KLHDC4: variants seen among roughly 807,000 people sequenced by gnomAD.
KLHDC4 encodes the protein kelch domain-containing protein 4.
A neutral mutation model predicts 62.4 loss-of-function variants in KLHDC4; 90 were observed. The observed-to-expected ratio is 1.44, with a 90% CI of 1.22 to 1.72. The LOEUF (loss-of-function observed/expected upper bound fraction) is 1.72. Ranked by LOEUF, KLHDC4 falls within the 40% of genes most tolerant of loss-of-function variation. The pLI is 0.00. For missense variants in KLHDC4, 1,025 were observed against 699.7 expected, an observed-to-expected ratio of 1.47 and a Z score of -5.25; for synonymous variants, 386 against 284.4, an observed-to-expected ratio of 1.36 and a Z score of -3.59.
At chr16:87,745,114 G>T (rs938658193) in intron 5 of KLHDC4, among the ~76,000 whole-genome samples, 1 of 152,176 alleles carries the variant, frequency 6.6e-6, no homozygotes, top group African/African-American at 2.4e-5. Flanking sequence ...CTTAAACTTG[G>T]GGGTCAGGGG....
intron 5 of KLHDC4, among the ~76,000 whole-genome samples, chr16:87,746,576 G>A (rs963007840): frequency 3.3e-5 from 5 of 152,122 alleles, no homozygotes; most frequent in Admixed American, 2.6e-4. Flanking sequence ...GCAATGCTCC[G>A]CGAGGTATCT....
At chr16:87,705,432 G>C (rs926899067), downstream of KLHDC4, among the ~76,000 whole-genome samples, 1 of 152,248 alleles carries the variant, frequency 6.6e-6, no homozygotes, top group Non-Finnish European at 1.5e-5. Flanking sequence ...TCCATGCTGG[G>C]AGCTTGTCTA....
At position 87,765,808 on chromosome 16, in the gene KLHDC4, C is replaced by T. The variant is rs138881765; in HGVS notation, c.83G>A (p.Arg28His). 4.2e-4 allele frequency: 660 copies of T among 1,570,098 alleles called. 3 individuals carry two copies. Among genetic ancestry groups the T allele is most frequent in the Middle Eastern group, 1.3e-3 (8 of 6,016 alleles). ...AAKMEKKVSK[R>H]SRKEEEDLEA... ...CCCGCTCACCTCCTCCTTCCGCGAG[C>T]GCTTAGACACCTTCTTCTCCATCTT... Residue 28 changes from arginine (R) to histidine (H), a missense_variant, in exon 1 of 12, where the codon CGC becomes CAC. By Grantham distance (29) the Arg-to-His change is conservative. Transcript: ENST00000270583.
chr16:87,715,103 T>A (rs551318060), intron 7 of KLHDC4, among the ~76,000 whole-genome samples: 52 of 152,256 alleles, frequency 3.4e-4, no homozygotes, highest in African/African-American at 1.2e-3. Context: ...CTGGACCAGG[T>A]GCACTGTTCC....
intron 3 of KLHDC4, chr16:87,756,186 C>G (rs1288282667): frequency 6.9e-6 from 3 of 437,584 alleles, no homozygotes; most frequent in Non-Finnish European, 1.3e-5. Context: ...GCCTAAGTCC[C>G]AGGAATAGAG....
At chr16:87,755,422 G>T in intron 3 of KLHDC4, 130 bp from the exon 4 acceptor site, 1 of 567,870 alleles carries the variant, frequency 1.8e-6, no homozygotes. Flanking sequence ...ACCAGCACAG[G>T]GAGGCCATGG....
Position 87,761,922 on chromosome 16 carries a change from A to T in KLHDC4, c.191+27T>A, listed in dbSNP as rs752161367. 5.0e-6 allele frequency: 8 copies of T among 1,607,384 alleles called. 1 individual carries two copies. The South Asian group carries it at 8.8e-5, about 18-fold the overall frequency. ...CAATGTATAGAAGAAAAGGAAACAT[A>T]CAATATGAAAAATGCTACTTGCTCA... On this transcript the variant is annotated intron_variant, in intron 2 of 11. Transcript: ENST00000270583.
In KLHDC4 at chr16:87,763,873, T is replaced by A. The variant is rs142126620; in HGVS notation, c.100-1833A>T. Among the ~76,000 whole-genome samples, 389 of 152,302 alleles carry A rather than the reference T, an allele frequency of 2.6e-3. 3 individuals are homozygous for A. The highest frequency in any genetic ancestry group is 4.2e-3 in the Non-Finnish European group (286 of 68,022). ...CTCTCCAAAGTGACAATAAGCTGAA[T>A]GCTGAAAAGACGACTCAGACGGAGT... On this transcript the variant is annotated intron_variant, in intron 1 of 11. Coordinates refer to ENST00000270583, the MANE Select transcript of KLHDC4 (RefSeq NM_017566.4).
At chr16:87,759,509 G>A (rs2045538253) in intron 2 of KLHDC4, among the ~76,000 whole-genome samples, 1 of 152,148 alleles carries the variant, frequency 6.6e-6, no homozygotes, top group African/African-American at 2.4e-5. Context: ...CACTTTGGGA[G>A]GCCGAGGTGG....
At chr16:87,718,428 T>A (rs918551415) in intron 7 of KLHDC4, among the ~76,000 whole-genome samples, 6 of 149,242 alleles carry the variant, frequency 4.0e-5, no homozygotes, top group Non-Finnish European at 7.4e-5. Context: ...GAGCGGAGGC[T>A]GGACTGTACT....
chr16:87,702,789 G>A (rs558841506), upstream of KLHDC4, among the ~76,000 whole-genome samples: 1 of 152,346 alleles, frequency 6.6e-6, no homozygotes, highest in South Asian at 2.1e-4. Flanking sequence ...AGTCGGCCCT[G>A]GCGCATGTGA....
intron 1 of KLHDC4, 42 bp downstream of exon 1, chr16:87,765,750 G>A: frequency 2.0e-6 from 3 of 1,534,224 alleles, no homozygotes; most frequent in Non-Finnish European, 2.6e-6. Context: ...GAGGCTGCAC[G>A]GCCGCGACGT....
Position 87,732,097 on chromosome 16 carries a change from C to CTT in KLHDC4, c.507-1455_507-1454dup, listed in dbSNP as rs61370494. On this transcript the variant is annotated intron_variant, in intron 5 of 11. Transcript: ENST00000270583. ...GCTAATTACATAAGTGTGCATATTTCTTTTTTTTTTTTTTTTTTGAGACAG... is the reference window on the plus strand; with the variant it reads ...GCTAATTACATAAGTGTGCATATTTCTTTTTTTTTTTTTTTTTTTTGAGACAG... Among the ~76,000 whole-genome samples, 1,164 of 132,202 alleles carry CTT rather than the reference C, an allele frequency of 8.8e-3. 22 individuals are homozygous for CTT. Among genetic ancestry groups the CTT allele is most frequent in the Middle Eastern group, 0.019 (5 of 258 alleles). 86.7% of individuals were successfully genotyped at this position (132,202 alleles called of 152,430 possible). A position where few individuals can be genotyped will look rare whatever the true frequency, so the allele number is the denominator to read the frequency against.
At chr16:87,709,998 C>T (rs574908017) in intron 9 of KLHDC4, 87 of 303,872 alleles carry the variant, frequency 2.9e-4, no homozygotes, top group African/African-American at 1.6e-3. Context: ...CCACAGGCTC[C>T]GACGCTCACC....
Position 87,758,377 on chromosome 16 carries a change from GAAGA to G in KLHDC4, c.192-1904_192-1901del, listed in dbSNP as rs1442332756. Among the ~76,000 whole-genome samples the G allele has an allele frequency of 3.9e-5, 6 of 152,310 alleles. 1 individual carries two copies. The South Asian group carries it at 1.0e-3, about 26-fold the overall frequency. On this transcript the variant is annotated intron_variant, in intron 2 of 11. Transcript: ENST00000270583. ...CAGACGGAACAGGATTTAGCCATAA[GAAGA>G]AATAAAGTTCTCACACATGCCACAG...
At chr16:87,727,041 C>G in intron 6 of KLHDC4, 117 bp from the exon 7 acceptor site, 1 of 1,040,908 alleles carries the variant, frequency 9.6e-7, no homozygotes, top group Non-Finnish European at 1.4e-6. Flanking sequence ...AAAACTCAAA[C>G]CATTTTTCTC....
At chr16:87,759,069 G>A (rs1165943217) in intron 2 of KLHDC4, among the ~76,000 whole-genome samples, 2 of 152,274 alleles carry the variant, frequency 1.3e-5, no homozygotes, top group African/African-American at 2.4e-5. Context: ...CAGCTACTTG[G>A]GAGGCTGAGG....
At chr16:87,720,974 C>G (rs2038185250) in intron 7 of KLHDC4, among the ~76,000 whole-genome samples, 1 of 152,234 alleles carries the variant, frequency 6.6e-6, no homozygotes, top group Non-Finnish European at 1.5e-5. Flanking sequence ...CAAGGCCCTG[C>G]CTGCTTCCAT....
chr16:87,726,829 G>T lies in KLHDC4; in HGVS notation c.695C>A (p.Ser232Ter), dbSNP rs903639958. 6.2e-7 allele frequency: 1 copy of T among 1,612,418 alleles called. No individual in the cohort carries two copies. Among genetic ancestry groups the T allele is most frequent in the Non-Finnish European group, 8.5e-7 (1 of 1,179,418 alleles). ...SPSGTGPTPRSGCQMSVTPQG... is the reference protein window; with the variant it reads ...SPSGTGPTPR ...GGGAGTGACGGACATCTGGCAGCCT[G>T]ATCTGGGTGTGGGCCCCGTCCCTGA... The change falls in exon 7 of 12, where the codon TCA (serine) becomes TAA (stop). Residue 232 changes from serine (S) to a stop codon, truncating the protein, a stop_gained. Transcript: ENST00000270583. LOFTEE classifies it high-confidence loss of function.
Sources: allele counts gnomAD v4.1 joint callset (sites outside exome capture counted in the v4.1 genomes callset), GRCh38; gene constraint gnomAD v4.1.1; transcripts MANE v1.5; gene names NCBI Gene and HGNC (gene_info 2026-07-23, HGNC 2026-07-21).